The following CCDC122 variants were observed in gnomAD, a reference collection of about 807,000 sequenced individuals.
The protein encoded by CCDC122 is coiled-coil domain containing 122, also known as coiled-coil domain-containing protein 122.
Under a neutral mutation model 37.0 loss-of-function variants are expected in CCDC122, and 38 were observed. The observed-to-expected ratio is 1.03, with a 90% CI of 0.79 to 1.35. CCDC122 has a LOEUF of 1.35. Among genes scored for constraint, CCDC122 ranks in the 40% most tolerant of loss-of-function variants. The probability of loss-of-function intolerance (pLI) is 0.00; values close to 1 mark genes in which losing one functional copy is unlikely to be tolerated. For synonymous variants in CCDC122, 83 were observed against 95.6 expected, an observed-to-expected ratio of 0.87 and a Z score of 0.77; for missense variants, 305 against 310.0, an observed-to-expected ratio of 0.98 and a Z score of 0.12.
At chr13:43,838,814 C>T (rs1472784364) in intron 6 of CCDC122, among the ~76,000 whole-genome samples, 2 of 152,134 alleles carry the variant, frequency 1.3e-5, no homozygotes, top group East Asian at 1.9e-4. Flanking sequence ...TTACATGTGC[C>T]GGGTGGAGCA....
chr13:43,853,737 A>T (rs953032974), intron 6 of CCDC122, among the ~76,000 whole-genome samples: 12 of 152,214 alleles, frequency 7.9e-5, no homozygotes, highest in African/African-American at 2.9e-4. Context: ...TCACATAATC[A>T]GAAATAAAAC....
downstream of CCDC122, among the ~76,000 whole-genome samples, chr13:43,822,063 G>T (rs946128064): frequency 2.0e-5 from 3 of 152,184 alleles, no homozygotes; most frequent in Non-Finnish European, 4.4e-5. Flanking sequence ...GTTCGTCAGT[G>T]TCTGGTCACT....
chr13:43,848,196 C>T (rs532563635), intron 6 of CCDC122, among the ~76,000 whole-genome samples: 15 of 152,306 alleles, frequency 9.8e-5, no homozygotes, highest in Admixed American at 9.8e-4. Flanking sequence ...ATTAAATATG[C>T]TTTGTTCATC....
In CCDC122 at chr13:43,860,057, T is replaced by C. The variant is rs766941776; in HGVS notation, c.170A>G (p.Glu57Gly). ...VLFNLKNELH[E>G]LEKEIAAISA... ...GATAGCTGCTATTTCTTTTTCAAGC[T>C]CATGAAGTTCATTCTGTAATACATT... The change falls in exon 5 of 7, where the codon GAG becomes GGG. Residue 57 changes from glutamate to glycine, a missense_variant. Coordinates refer to ENST00000444614, the MANE Select transcript of CCDC122 (RefSeq NM_144974.5). 8.6e-6 allele frequency: 13 copies of C among 1,507,794 alleles called. No individual in the cohort carries two copies. Among genetic ancestry groups the C allele is most frequent in the Non-Finnish European group, 9.8e-6 (11 of 1,123,908 alleles). The allele number at this position is 1,507,794 out of a possible 1,614,324, so 93.4% of individuals were successfully genotyped here.
At chr13:43,860,393 G>A (rs992978598) in intron 4 of CCDC122, among the ~76,000 whole-genome samples, 3 of 151,786 alleles carry the variant, frequency 2.0e-5, no homozygotes, top group Admixed American at 1.3e-4. Context: ...ATACACTCAG[G>A]GAAGACAATA....
At chr13:43,847,480 G>A (rs997411429) in intron 6 of CCDC122, among the ~76,000 whole-genome samples, 1 of 152,114 alleles carries the variant, frequency 6.6e-6, no homozygotes, top group Non-Finnish European at 1.5e-5. Context: ...CAACAGGTTT[G>A]GATTCATATC....
In CCDC122 at chr13:43,859,827, C is replaced by G; in HGVS notation, c.400G>C (p.Ala134Pro). 1 of 1,606,836 alleles carries G rather than the reference C, an allele frequency of 6.2e-7. No homozygotes were observed. Among genetic ancestry groups the G allele is most frequent in the Non-Finnish European group, 8.5e-7 (1 of 1,177,250 alleles). The change falls in exon 5 of 7, where the codon GCA (alanine) becomes CCA (proline). Residue 134 changes from alanine to proline, a missense_variant. Physicochemically the swap from Ala to Pro is conservative, Grantham distance 27. Transcript: ENST00000444614. ...ACTTCCCCCAAACTATTTTTATGTG[C>G]TTTTATTTTTGCATAATATGCATTA... ...KYNAYYAKIK[A>P]HKNSLGEVES...
chr13:43,871,934 G>GC (rs1954465524), intron 2 of CCDC122, among the ~76,000 whole-genome samples: 1 of 151,968 alleles, frequency 6.6e-6, no homozygotes, highest in Non-Finnish European at 1.5e-5. Flanking sequence ...CTAGATTACA[G>GC]CATCTGACTT....
chr13:43,872,173 C>T (rs953564395), intron 2 of CCDC122, among the ~76,000 whole-genome samples: 2 of 151,880 alleles, frequency 1.3e-5, no homozygotes, highest in African/African-American at 2.4e-5. Context: ...TGTTTAACCC[C>T]GCAAGACTTC....
chr13:43,819,453 A>C (rs999964880), downstream of CCDC122, among the ~76,000 whole-genome samples: 1 of 152,218 alleles, frequency 6.6e-6, no homozygotes, highest in African/African-American at 2.4e-5. Context: ...TATTCATTAA[A>C]AGTTGAATAA....
At chr13:43,825,677 G>A (rs1953032829) in intron 3 of CCDC122, among the ~76,000 whole-genome samples, 1 of 150,482 alleles carries the variant, frequency 6.6e-6, no homozygotes, top group Admixed American at 6.7e-5. Context: ...GGCTGAGGCA[G>A]GAGAATCACT....
At chr13:43,848,939 A>G in intron 6 of CCDC122, 1 of 973,054 alleles carries the variant, frequency 1.0e-6, no homozygotes, top group South Asian at 4.8e-5. Flanking sequence ...ATTGGAATTC[A>G]CCTTCTCTAA....
At chr13:43,823,083 C>G (rs1953007342), downstream of CCDC122, among the ~76,000 whole-genome samples, 1 of 152,162 alleles carries the variant, frequency 6.6e-6, no homozygotes, top group Non-Finnish European at 1.5e-5. Flanking sequence ...TCTCAGAGCC[C>G]AAGGCCCATG....
At chr13:43,853,217 A>G (rs1953801441) in intron 6 of CCDC122, among the ~76,000 whole-genome samples, 1 of 152,172 alleles carries the variant, frequency 6.6e-6, no homozygotes, top group South Asian at 2.1e-4. Flanking sequence ...ACTAAGACCC[A>G]TTGGTATGCT....
downstream of CCDC122, among the ~76,000 whole-genome samples, chr13:43,835,388 C>A (rs1182849524): frequency 6.6e-6 from 1 of 151,938 alleles, no homozygotes; most frequent in Non-Finnish European, 1.5e-5. Context: ...TGCAGCACAC[C>A]AACATGGCAC....
chr13:43,868,718 G>T lies in CCDC122; in HGVS notation c.132C>A (p.Asn44Lys), dbSNP rs1566953804. The T allele has an allele frequency of 6.4e-7, 1 of 1,552,980 alleles. No individual in the cohort carries two copies. The highest frequency in any genetic ancestry group is 8.7e-7 in the Non-Finnish European group (1 of 1,149,374). ...CCTTCAAATTGAACAGAACCTTTTT[G>T]TTTTTTTCTATCTCTGATGCTTGTG... ...QQSQASEIEK[N>K]KKVLFNLKNE... is the part of the protein sequence containing the mutation. The change falls in exon 4 of 7, where the codon AAC becomes AAA. Residue 44 changes from asparagine to lysine, a missense_variant. By Grantham distance (94) the Asn-to-Lys change is moderately conservative (BLOSUM62 0). Transcript: ENST00000444614.
At chr13:43,861,381 T>A (rs988899295) in intron 4 of CCDC122, among the ~76,000 whole-genome samples, 72 of 152,236 alleles carry the variant, frequency 4.7e-4, no homozygotes, top group African/African-American at 1.7e-3. Flanking sequence ...TGGCAAAGGG[T>A]ACGGATAGAC....
intron 6 of CCDC122, among the ~76,000 whole-genome samples, chr13:43,844,781 C>T (rs1395650492): frequency 1.3e-5 from 2 of 152,024 alleles, no homozygotes; most frequent in African/African-American, 4.8e-5. Context: ...CACAGCTACA[C>T]CAGCTTTTTA....
chr13:43,834,755 A>G (rs1452856815), downstream of CCDC122, among the ~76,000 whole-genome samples: 3 of 152,098 alleles, frequency 2.0e-5, no homozygotes, highest in Non-Finnish European at 2.9e-5. Context: ...CAAAACCACA[A>G]TGAGATACCA....
Sources: gnomAD v4.1 joint callset for allele counts (sites outside exome capture counted in the v4.1 genomes callset) on GRCh38, gnomAD v4.1.1 for gene constraint, MANE v1.5 for transcripts, NCBI Gene and HGNC (gene_info 2026-07-23, HGNC 2026-07-21) for gene names.